The following NCAPD3 variants were observed in gnomAD, a reference collection of about 807,000 sequenced individuals.
NCAPD3 encodes the protein condensin-2 complex subunit D3.
Under a neutral mutation model 182.9 loss-of-function variants are expected in NCAPD3, and 105 were observed. The ratio of observed to expected loss-of-function variants is 0.57; its 90% CI spans 0.49 to 0.68. NCAPD3 has a LOEUF of 0.68. Among genes scored for constraint, NCAPD3 ranks in the 30% least tolerant of loss-of-function variants. The pLI is 0.00. For missense variants in NCAPD3, 1,944 were observed against 1,837.0 expected (o/e 1.06, Z -1.07); for synonymous variants, 815 against 679.9 (o/e 1.20, Z -3.09).
chr11:134,206,629 T>C lies in NCAPD3; in HGVS notation c.986A>G (p.Asn329Ser). ...AAACTGGACCGCCTGGTTTCTACAGTTGATGACTTGGGAGGTAACAGCAAG... is the reference window on the plus strand; with the variant it reads ...AAACTGGACCGCCTGGTTTCTACAGCTGATGACTTGGGAGGTAACAGCAAG... The part of the protein sequence containing the change: ...APLAVTSQVI[N>S]CRNQAVQFIS... Residue 329 changes from asparagine (N) to serine (S), a missense_variant, in exon 8 of 35, where the codon AAC (asparagine) becomes AGC (serine). Around this residue, in one of 3 missense-constraint regions of NCAPD3, gnomAD observed 1,803 missense variants for 1,674.6 expected, o/e 1.08. Transcript: ENST00000534548. The C allele has an allele frequency of 1.2e-6, 2 of 1,613,442 alleles. No homozygotes were observed. Among genetic ancestry groups the C allele is most frequent in the Non-Finnish European group, 1.7e-6 (2 of 1,179,768 alleles).
Position 134,181,137 on chromosome 11 carries a change from G to A in NCAPD3, c.2499C>T (p.His833=), listed in dbSNP as rs1047979886. 3 of 1,613,970 alleles carry A rather than the reference G, an allele frequency of 1.9e-6. No homozygotes were observed. The African/African-American group carries it at 4.0e-5, about 22-fold the overall frequency. The change falls in exon 20 of 35, where the codon CAC becomes CAT. Residue 833 remains histidine (H), a synonymous_variant. Coordinates refer to ENST00000534548, the MANE Select transcript of NCAPD3 (RefSeq NM_015261.3). Reference sequence around the variant, plus strand: ...CCTTGAGAACGATGTTGGAGAGGCGGTGCTCGCAGGTGGAGAGTACATCCC... The same window carrying A: ...CCTTGAGAACGATGTTGGAGAGGCGATGCTCGCAGGTGGAGAGTACATCCC... ...VCGDVLSTCE[H]RLSNIVLKEN... is the part of the protein sequence containing the mutation.
chr11:134,196,514 C>G (rs1377534542), intron 13 of NCAPD3, among the ~76,000 whole-genome samples: 2 of 151,402 alleles, frequency 1.3e-5, no homozygotes, highest in Admixed American at 1.3e-4. Flanking sequence ...GGTGTGGGGG[C>G]GGGTGCTTGT....
intron 30 of NCAPD3, 79 bp from the exon 31 acceptor site, chr11:134,158,146 G>A (rs530102753): frequency 3.9e-6 from 6 of 1,551,164 alleles, no homozygotes; most frequent in East Asian, 4.5e-5. Flanking sequence ...GTGTCCCCGC[G>A]TGCCTCCTCA....
chr11:134,193,868 T>C, intron 15 of NCAPD3, 148 bp downstream of exon 15: 3 of 678,492 alleles, frequency 4.4e-6, no homozygotes, highest in Non-Finnish European at 7.0e-6. Context: ...AATTCAAAAA[T>C]ACCTCCTCCC....
At chr11:134,183,074 C>T (rs1349348710) in intron 19 of NCAPD3, 2 of 455,864 alleles carry the variant, frequency 4.4e-6, no homozygotes, top group South Asian at 1.5e-5. Flanking sequence ...GTCCTAATGG[C>T]CCTGGGCCAG....
intron 27 of NCAPD3, among the ~76,000 whole-genome samples, chr11:134,166,396 ACACT>A (rs1186190483): frequency 7.7e-5 from 1 of 13,048 alleles, no homozygotes; most frequent in East Asian, 3.3e-3. Flanking sequence ...GGGGAGGGGC[ACACT>A]CACTAGTGAG....
At chr11:134,225,371 C>G, upstream of NCAPD3, 3 of 1,611,030 alleles carry the variant, frequency 1.9e-6, no homozygotes, top group Non-Finnish European at 2.5e-6. Context: ...GGACCCCCTC[C>G]CCCAGCGCCG....
At position 134,176,465 on chromosome 11, in the gene NCAPD3, C is replaced by T. The variant is rs1944168853; in HGVS notation, c.3022-79G>A. 6 of 1,215,756 alleles carry T rather than the reference C, an allele frequency of 4.9e-6. No homozygotes were observed. The South Asian group carries it at 6.1e-5, about 12-fold the overall frequency. 75.3% of individuals were successfully genotyped at this position (1,215,756 alleles called of 1,614,324 possible). A position where few individuals can be genotyped will look rare whatever the true frequency, so the allele number is the denominator to read the frequency against. ...ACTGTTCCCAGCCACACCCCACCCA[C>T]CACGCGGTCTGTCCCCGGCACACTG... On this transcript the variant is annotated intron_variant, in intron 23 of 34. Transcript: ENST00000534548.
Position 134,161,902 on chromosome 11 carries a change from A to C in NCAPD3, c.3574-11T>G. 1 of 1,388,390 alleles carries C rather than the reference A, an allele frequency of 7.2e-7. No individual in the cohort carries two copies. The highest frequency in any genetic ancestry group is 1.0e-6 in the Non-Finnish European group (1 of 995,788). The allele number at this position is 1,388,390 out of a possible 1,614,324, so 86.0% of individuals were successfully genotyped here. A position where few individuals can be genotyped will look rare whatever the true frequency, so the allele number is the denominator to read the frequency against. ...ATTCCTCTTCTGAACCTGGTAACAC[A>C]AACAAAGACATGTTTTAGATGTATG... On this transcript the variant is annotated splice_polypyrimidine_tract_variant and intron_variant, in intron 27 of 34. Transcript: ENST00000534548.
intron 7 of NCAPD3, 89 bp downstream of exon 7, chr11:134,208,746 GAAAATGAGCTAGTAAATTGAAATGGCATT>G: frequency 1.4e-6 from 1 of 706,150 alleles, no homozygotes; most frequent in Non-Finnish European, 2.5e-6. Context: ...ATAAGGTCAT[GAAAATGAGCTAGTAAATTGAAATGGCATT>G]ATATCAAATG....
intron 32 of NCAPD3, chr11:134,154,106 T>A (rs1943346876): frequency 6.6e-6 from 1 of 152,492 alleles, no homozygotes; most frequent in Middle Eastern, 3.4e-3. Context: ...TAAGTGGGTA[T>A]AAAAACATAG....
rs1215485568 is a variant in NCAPD3, at chr11:134,203,669, C to A, written c.1453G>T (p.Glu485Ter). The change falls in exon 11 of 35, where the codon GAG (glutamate) becomes TAG (stop). Residue 485 changes from glutamate to a stop codon, truncating the protein, a stop_gained. Coordinates refer to ENST00000534548, the MANE Select transcript of NCAPD3 (RefSeq NM_015261.3). LOFTEE classifies it high-confidence loss of function. ...TVTSASESIL[E>*]LLINSPTFSV... is the part of the protein sequence containing the mutation. ...CCATACTCACTGTTAATCAGGAGCTCCAGGATACTCTCCGACGCACTGGTA... is the reference window on the plus strand; with the variant it reads ...CCATACTCACTGTTAATCAGGAGCTACAGGATACTCTCCGACGCACTGGTA... The A allele has an allele frequency of 6.2e-7, 1 of 1,613,046 alleles. No homozygotes were observed. The highest frequency in any genetic ancestry group is 1.1e-5 in the South Asian group (1 of 91,058).
At chr11:134,210,916 C>T (rs1476599613) in intron 3 of NCAPD3, among the ~76,000 whole-genome samples, 1 of 152,148 alleles carries the variant, frequency 6.6e-6, no homozygotes, top group African/African-American at 2.4e-5. Flanking sequence ...GTCAGAAAGA[C>T]AGGGTAGATG....
intron 16 of NCAPD3, among the ~76,000 whole-genome samples, chr11:134,189,350 G>A (rs185810569): frequency 7.9e-5 from 12 of 151,756 alleles, no homozygotes; most frequent in African/African-American, 1.9e-4. Context: ...AAGACTTTTC[G>A]TAACTTCTTA....
Position 134,177,199 on chromosome 11 carries a change from G to A in NCAPD3, c.3021+20C>T. 1.3e-6 allele frequency: 2 copies of A among 1,567,300 alleles called. No homozygotes were observed. Among genetic ancestry groups the A allele is most frequent in the Non-Finnish European group, 1.8e-6 (2 of 1,137,456 alleles). On this transcript the variant is annotated intron_variant, in intron 23 of 34. Coordinates refer to ENST00000534548, the MANE Select transcript of NCAPD3 (RefSeq NM_015261.3). ...AAGCAATGGTGAAGGGGAAAGGACA[G>A]ATTGAACCCCCCTACGCACCTGCAA...
chr11:134,196,606 T>C (rs902866516), intron 13 of NCAPD3, among the ~76,000 whole-genome samples: 9 of 147,184 alleles, frequency 6.1e-5, no homozygotes, highest in South Asian at 4.3e-4. Context: ...GACTGTGCCA[T>C]TGCACTCCAG....
chr11:134,223,912 C>T lies in NCAPD3; in HGVS notation c.15G>A (p.Arg5=), dbSNP rs368390438. Residue 5 remains arginine, a synonymous_variant, in exon 1 of 35, where the codon CGG becomes CGA. Transcript: ENST00000534548. ...AGGGCTGCAGGCCGCTACCAAGGCC[C>T]CGCAACGCCACCATGATCCCAGGGC... MVAL[R]GLGSGLQPWC... 1.9e-6 allele frequency: 3 copies of T among 1,612,618 alleles called. No homozygotes were observed. The African/African-American group carries it at 4.0e-5, about 22-fold the overall frequency.
intron 32 of NCAPD3, 89 bp downstream of exon 32, chr11:134,156,929 C>T (rs997131235): frequency 6.8e-6 from 8 of 1,171,316 alleles, no homozygotes; most frequent in African/African-American, 4.6e-5. Context: ...TATCCTGCAC[C>T]GGAAGGAGTT....
chr11:134,223,797 A>G, intron 1 of NCAPD3, 66 bp downstream of exon 1: 1 of 1,497,822 alleles, frequency 6.7e-7, no homozygotes, highest in Non-Finnish European at 9.1e-7. Flanking sequence ...GCCCGGGCTT[A>G]GGCATCGTCG....
Sources: allele counts gnomAD v4.1 joint callset (sites outside exome capture counted in the v4.1 genomes callset), GRCh38; gene constraint gnomAD v4.1.1; regional missense constraint gnomAD v4.1.1; transcripts MANE v1.5; gene names NCBI Gene and HGNC (gene_info 2026-07-23, HGNC 2026-07-21).